RELN: variants seen among roughly 807,000 people sequenced by gnomAD.
RELN encodes reelin.
Under a neutral mutation model 427.6 loss-of-function variants are expected in RELN, and 108 were observed. The observed-to-expected ratio is 0.25, with a 90% CI of 0.22 to 0.30. The LOEUF (loss-of-function observed/expected upper bound fraction) is 0.30. Ranked by LOEUF, RELN falls within the 10% of genes least tolerant of loss-of-function variation. The probability of loss-of-function intolerance (pLI) is 1.00; values close to 1 mark genes in which losing one functional copy is unlikely to be tolerated. For synonymous variants in RELN, 1,524 were observed against 1,513.4 expected (o/e 1.01, Z -0.16); for missense variants, 3,715 against 4,302.8 (o/e 0.86, Z 3.82).
At chr7:103,494,394 G>GTGTGA (rs774896895) in intron 57 of RELN, among the ~76,000 whole-genome samples, 3 of 134,452 alleles carry the variant, frequency 2.2e-5, no homozygotes, top group African/African-American at 9.0e-5. Flanking sequence ...TGTGTGTGTG[G>GTGTGA]GATATGGTCT....
At chr7:103,849,667 G>A (rs1451421962) in intron 2 of RELN, among the ~76,000 whole-genome samples, 1 of 152,092 alleles carries the variant, frequency 6.6e-6, no homozygotes, top group Non-Finnish European at 1.5e-5. Context: ...TACTCTCCCT[G>A]CATAGAACTG....
At chr7:103,593,917 T>C (rs1269107592) in intron 26 of RELN, 35 bp from the exon 27 acceptor site, 2 of 1,485,916 alleles carry the variant, frequency 1.3e-6, no homozygotes, top group Non-Finnish European at 9.4e-7. Context: ...CAAAAGGCAA[T>C]TTGATAGCTT....
intron 12 of RELN, among the ~76,000 whole-genome samples, chr7:103,656,066 T>C (rs1428754051): frequency 6.6e-6 from 1 of 152,044 alleles, no homozygotes. Context: ...CTGAGACCTG[T>C]ACAGTTGACT....
At chr7:103,638,205 C>T (rs999148761) in intron 17 of RELN, among the ~76,000 whole-genome samples, 2 of 152,178 alleles carry the variant, frequency 1.3e-5, no homozygotes, top group Non-Finnish European at 2.9e-5. Flanking sequence ...TCTACACATG[C>T]TTAAATTTAG....
intron 3 of RELN, among the ~76,000 whole-genome samples, chr7:103,832,669 C>T (rs919971922): frequency 6.6e-6 from 1 of 152,118 alleles, no homozygotes. Context: ...CAGTCACAGC[C>T]TTGGAACCAT....
intron 8 of RELN, among the ~76,000 whole-genome samples, chr7:103,707,453 C>T (rs1402576763): frequency 6.6e-6 from 1 of 151,836 alleles, no homozygotes; most frequent in East Asian, 1.9e-4. Context: ...TTCATATTTG[C>T]TTCCTAAATA....
Position 103,620,989 on chromosome 7 carries a change from C to A in RELN, c.2702+8951G>T, listed in dbSNP as rs1832205599. The stretch of plus-strand genomic sequence containing the variant: ...ATACACGAGGAATCTTTGAAATTAT[C>A]TTTCTTTTTCCTTCCAACTCTGTGC... On this transcript the variant is annotated intron_variant, in intron 20 of 64. Coordinates refer to ENST00000428762, the MANE Select transcript of RELN (RefSeq NM_005045.4). This position sits in a 1 kb window ranked among gnomAD's most constrained non-coding sequence, Gnocchi z 4.1. 6.6e-6 allele frequency among the ~76,000 whole-genome samples: 1 copy of A among 152,172 alleles called. No individual in the cohort carries two copies. Among genetic ancestry groups the A allele is most frequent in the African/African-American group, 2.4e-5 (1 of 41,440 alleles).
intron 1 of RELN, among the ~76,000 whole-genome samples, chr7:103,970,989 C>T (rs1796752258): frequency 6.6e-6 from 1 of 152,032 alleles, no homozygotes; most frequent in South Asian, 2.1e-4. Context: ...AACCCCGTCT[C>T]TGCTAGAAGT....
intron 38 of RELN, 25 bp from the exon 39 acceptor site, chr7:103,553,856 G>GT: frequency 6.3e-7 from 1 of 1,596,804 alleles, no homozygotes; most frequent in Non-Finnish European, 8.6e-7. Flanking sequence ...GATAAAGCAA[G>GT]TTTTTCCAGT....
intron 3 of RELN, among the ~76,000 whole-genome samples, chr7:103,811,574 T>C (rs1416052969): frequency 6.6e-6 from 1 of 152,216 alleles, no homozygotes; most frequent in Non-Finnish European, 1.5e-5. Flanking sequence ...AGCACGGGCC[T>C]ATAAATCACT....
intron 1 of RELN, among the ~76,000 whole-genome samples, chr7:103,983,496 A>G (rs921954006): frequency 1.3e-5 from 2 of 152,216 alleles, no homozygotes; most frequent in Non-Finnish European, 2.9e-5. Context: ...CTGCGTTTGA[A>G]CAGTCATTAT....
At chr7:103,645,933 C>T (rs1337079299) in intron 16 of RELN, among the ~76,000 whole-genome samples, 1 of 151,728 alleles carries the variant, frequency 6.6e-6, no homozygotes, top group East Asian at 1.9e-4. Flanking sequence ...TATCAAATAC[C>T]TTCTCAAATG....
chr7:103,741,847 T>C (rs954892319), intron 6 of RELN, among the ~76,000 whole-genome samples: 28 of 152,220 alleles, frequency 1.8e-4, no homozygotes, highest in African/African-American at 6.5e-4. Context: ...AGCTCCGGTC[T>C]ACAGCTCCCA....
chr7:103,960,600 G>A (rs1480228356), intron 1 of RELN, among the ~76,000 whole-genome samples: 3 of 152,074 alleles, frequency 2.0e-5, no homozygotes, highest in African/African-American at 7.2e-5. Context: ...ATCAATGAAT[G>A]GATAGAATTC....
chr7:103,987,784 G>A (rs770705714), intron 1 of RELN, among the ~76,000 whole-genome samples: 1 of 152,178 alleles, frequency 6.6e-6, no homozygotes, highest in African/African-American at 2.4e-5. Context: ...AAAGGGACTA[G>A]TTACAGAACA....
chr7:103,717,315 C>G (rs1337140816), intron 8 of RELN, among the ~76,000 whole-genome samples: 1 of 148,546 alleles, frequency 6.7e-6, no homozygotes, highest in African/African-American at 2.5e-5. Flanking sequence ...GATAAATATA[C>G]ATATGTTTTA....
At chr7:103,596,705 C>A (rs371914517) in intron 24 of RELN, 44 bp from the exon 25 acceptor site, 2 of 1,562,848 alleles carry the variant, frequency 1.3e-6, no homozygotes, top group Non-Finnish European at 1.8e-6. Flanking sequence ...TCTGGGAGTT[C>A]TTTGGCATTT....
chr7:103,474,436 AT>A (rs1423249584), intron 64 of RELN, among the ~76,000 whole-genome samples: 1 of 152,142 alleles, frequency 6.6e-6, no homozygotes, highest in East Asian at 1.9e-4. Flanking sequence ...TTTCAAAAAA[AT>A]CAGGTTTTGT....
At chr7:103,874,628 T>C (rs1165035003) in intron 2 of RELN, among the ~76,000 whole-genome samples, 2 of 146,066 alleles carry the variant, frequency 1.4e-5, no homozygotes, top group African/African-American at 4.9e-5. Flanking sequence ...GAGAATAAAA[T>C]ACCTAGGAAT....
Sources: allele counts gnomAD v4.1 joint callset (sites outside exome capture counted in the v4.1 genomes callset), GRCh38; gene constraint gnomAD v4.1.1; non-coding constraint Gnocchi (gnomAD v3.1); transcripts MANE v1.5; gene names NCBI Gene and HGNC (gene_info 2026-07-23, HGNC 2026-07-21).